Variants in CNTN3 observed in about 807,000 individuals in gnomAD.
CNTN3 encodes contactin 3, also known as contactin-3.
A neutral mutation model predicts 119.1 loss-of-function variants in CNTN3; 60 were observed. The observed-to-expected ratio is 0.50, with a 90% confidence interval of 0.41 to 0.62. The LOEUF (loss-of-function observed/expected upper bound fraction) is 0.62, where lower values mean the gene tolerates loss of function less well. Among genes scored for constraint, CNTN3 ranks in the 20% least tolerant of loss-of-function variants. CNTN3 has a pLI of 0.00. For synonymous variants in CNTN3, 450 were observed against 438.7 expected (o/e 1.03, Z -0.32); for missense variants, 1,101 against 1,242.4 (o/e 0.89, Z 1.71).
At chr3:74,271,086 T>A (rs1233470962) in intron 20 of CNTN3, among the ~76,000 whole-genome samples, 1 of 152,210 alleles carries the variant, frequency 6.6e-6, no homozygotes, top group Non-Finnish European at 1.5e-5. Flanking sequence ...CAACATCAGC[T>A]TCATAGATTT....
At chr3:74,400,300 C>A (rs554074705) in intron 5 of CNTN3, among the ~76,000 whole-genome samples, 5 of 152,242 alleles carry the variant, frequency 3.3e-5, no homozygotes, top group Non-Finnish European at 7.4e-5. Context: ...TCTTAATAAT[C>A]TCCATTTAAC....
chr3:74,552,374 A>G (rs6807299), intron 1 of CNTN3, among the ~76,000 whole-genome samples: 139,551 of 152,186 alleles, frequency 0.92, 64,015 homozygotes, highest in East Asian at 0.93. Context: ...GGAGACTGCT[A>G]AATTGTCTTC....
At chr3:74,336,206 T>G (rs139196805) in intron 12 of CNTN3, among the ~76,000 whole-genome samples, 54 of 152,046 alleles carry the variant, frequency 3.6e-4, no homozygotes, top group African/African-American at 1.2e-3. Flanking sequence ...TCAACTATAA[T>G]GAAAAAAACA....
At chr3:74,370,756 T>C (rs1232623915) in intron 6 of CNTN3, among the ~76,000 whole-genome samples, 2 of 152,086 alleles carry the variant, frequency 1.3e-5, no homozygotes, top group Non-Finnish European at 2.9e-5. Flanking sequence ...GAAACAGATA[T>C]TTTTCTTTAA....
intron 3 of CNTN3, among the ~76,000 whole-genome samples, chr3:74,487,315 C>T (rs1702876966): frequency 6.6e-6 from 1 of 152,052 alleles, no homozygotes; most frequent in Admixed American, 6.6e-5. Flanking sequence ...AGTTTTTAAA[C>T]AGTAAGTATG....
chr3:74,601,567 A>C (rs573254872), intron 1 of CNTN3, among the ~76,000 whole-genome samples: 1 of 152,270 alleles, frequency 6.6e-6, no homozygotes, highest in Non-Finnish European at 1.5e-5. Context: ...TTTGAAAGGC[A>C]ACTAAAAACT....
intron 5 of CNTN3, among the ~76,000 whole-genome samples, chr3:74,393,946 A>C (rs1308815689): frequency 2.0e-5 from 3 of 152,360 alleles, no homozygotes; most frequent in African/African-American, 7.2e-5. Context: ...ATAAAAGTAC[A>C]TTCTATAAAA....
intron 8 of CNTN3, among the ~76,000 whole-genome samples, chr3:74,367,774 T>G (rs184499640): frequency 6.6e-6 from 1 of 152,128 alleles, no homozygotes; most frequent in African/African-American, 2.4e-5. Flanking sequence ...CAATTGTTTA[T>G]TATGTATACA....
intron 5 of CNTN3, among the ~76,000 whole-genome samples, chr3:74,396,623 G>A (rs1476892166): frequency 2.0e-5 from 3 of 151,910 alleles, no homozygotes; most frequent in African/African-American, 7.3e-5. Flanking sequence ...GTGGGCACCT[G>A]TAGTCCCAGC....
intron 19 of CNTN3, among the ~76,000 whole-genome samples, chr3:74,288,174 T>C (rs1235155163): frequency 1.3e-5 from 2 of 149,798 alleles, no homozygotes; most frequent in African/African-American, 4.9e-5. Context: ...TTTTTTTTTT[T>C]TTGAGACAGA....
chr3:74,509,313 C>CT (rs11318453), intron 2 of CNTN3, among the ~76,000 whole-genome samples: 23,202 of 117,046 alleles, frequency 0.2, 2,339 homozygotes, highest in East Asian at 0.38. Flanking sequence ...CCTTTCCTTT[C>CT]TTTTTTTTTT....
At position 74,266,539 on chromosome 3, in the gene CNTN3, G is replaced by T. The variant is rs1357037335; in HGVS notation, c.2928C>A (p.Ala976=). 6.2e-7 allele frequency: 1 copy of T among 1,613,418 alleles called. No individual in the cohort carries two copies. The highest frequency in any genetic ancestry group is 1.3e-5 in the African/African-American group (1 of 74,844). The part of the protein sequence containing the change: ...IKEDYIIEVK[A]TTDGGDGTSS... ...TGGTCCCATCCCCTCCATCTGTTGTGGCCTTGACTTCAATAATGTAGTCCT... is the reference window on the plus strand; with the variant it reads ...TGGTCCCATCCCCTCCATCTGTTGTTGCCTTGACTTCAATAATGTAGTCCT... Residue 976 remains alanine, a synonymous_variant, in exon 22 of 23, where the codon GCC becomes GCA. Coordinates refer to ENST00000263665, the MANE Select transcript of CNTN3 (RefSeq NM_020872.3).
intron 10 of CNTN3, 100 bp downstream of exon 10, chr3:74,364,367 A>T (rs551185979): frequency 9.3e-7 from 1 of 1,077,142 alleles, no homozygotes; most frequent in African/African-American, 1.6e-5. Context: ...ATATTATTAG[A>T]TGTAGGAACC....
intron 4 of CNTN3, among the ~76,000 whole-genome samples, chr3:74,456,088 C>T (rs1702263462): frequency 6.6e-6 from 1 of 152,060 alleles, no homozygotes; most frequent in African/African-American, 2.4e-5. Flanking sequence ...TGTATTACTA[C>T]TGTAAAATGT....
intron 3 of CNTN3, among the ~76,000 whole-genome samples, chr3:74,497,620 GA>G (rs1703088124): frequency 6.6e-6 from 1 of 151,500 alleles, no homozygotes; most frequent in African/African-American, 2.4e-5. Flanking sequence ...AAGTTATAAG[GA>G]AAGTATCTGC....
rs537450057 is a variant in CNTN3 at position 74,551,572 on chromosome 3, CA to C, written c.-80-30381del. 2.0e-5 allele frequency among the ~76,000 whole-genome samples: 3 copies of C among 152,100 alleles called. No individual in the cohort carries two copies. In the East Asian group the frequency reaches 5.8e-4, roughly 30 times the overall value. On this transcript the variant is annotated intron_variant, in intron 1 of 22. Transcript: ENST00000263665. Reference sequence around the variant, plus strand: ...ACCAATGTATCCACCATTACAGTAACATGCAGGAATCGTTTCACTGCCCTAA... The same window carrying C: ...ACCAATGTATCCACCATTACAGTAACTGCAGGAATCGTTTCACTGCCCTAA...
intron 5 of CNTN3, among the ~76,000 whole-genome samples, chr3:74,411,928 A>G (rs1701445001): frequency 1.3e-5 from 2 of 152,190 alleles, no homozygotes; most frequent in South Asian, 4.1e-4. Flanking sequence ...AACACCTAAT[A>G]CTTTCAGATA....
At chr3:74,432,932 C>A (rs2106912985) in intron 4 of CNTN3, among the ~76,000 whole-genome samples, 1 of 152,212 alleles carries the variant, frequency 6.6e-6, no homozygotes, top group South Asian at 2.1e-4. Flanking sequence ...AAAATAATAG[C>A]TTATTCAACA....
chr3:74,270,376 C>A (rs1264161455), intron 20 of CNTN3, among the ~76,000 whole-genome samples: 1 of 152,084 alleles, frequency 6.6e-6, no homozygotes, highest in Admixed American at 6.6e-5. Flanking sequence ...TTGCCAAGTC[C>A]CAGAGATTGG....
Sources: gnomAD v4.1 joint callset for allele counts (sites outside exome capture counted in the v4.1 genomes callset) on GRCh38, gnomAD v4.1.1 for gene constraint, MANE v1.5 for transcripts, NCBI Gene and HGNC (gene_info 2026-07-23, HGNC 2026-07-21) for gene names.